Variants in ASIC2 observed in about 807,000 individuals in gnomAD.
ASIC2 encodes acid sensing ion channel subunit 2, also known as acid-sensing ion channel 2.
Under a neutral mutation model 57.3 loss-of-function variants are expected in ASIC2, and 25 were observed. The observed-to-expected ratio is 0.44, with a 90% CI of 0.32 to 0.61. The LOEUF is 0.61. Among genes scored for constraint, ASIC2 ranks in the 20% least tolerant of loss-of-function variants. ASIC2 has a pLI of 0.06. For synonymous variants in ASIC2, 319 were observed against 307.5 expected (o/e 1.04, Z -0.39); for missense variants, 641 against 738.1 (o/e 0.87, Z 1.52).
At chr17:33,059,692 G>T (rs1296222317) in intron 3 of ASIC2, among the ~76,000 whole-genome samples, 2 of 152,174 alleles carry the variant, frequency 1.3e-5, no homozygotes, top group Non-Finnish European at 2.9e-5. Context: ...GGATGGCTGG[G>T]TCAAATGGTA....
At chr17:33,453,718 A>T (rs1912350153) in intron 1 of ASIC2, among the ~76,000 whole-genome samples, 1 of 152,210 alleles carries the variant, frequency 6.6e-6, no homozygotes, top group South Asian at 2.1e-4. Context: ...GACCAGCGCC[A>T]CAATCAAAAT....
chr17:33,840,939 G>T (rs1913418945), intron 1 of ASIC2, among the ~76,000 whole-genome samples: 1 of 152,068 alleles, frequency 6.6e-6, no homozygotes, highest in African/African-American at 2.4e-5. Context: ...TGGCTATTCT[G>T]ATGGACAGGT....
chr17:33,876,942 C>G (rs1454702515), intron 1 of ASIC2, among the ~76,000 whole-genome samples: 1 of 152,212 alleles, frequency 6.6e-6, no homozygotes, highest in Non-Finnish European at 1.5e-5. Flanking sequence ...AGCCTGGGAG[C>G]AGAGCTCTCT....
intron 1 of ASIC2, among the ~76,000 whole-genome samples, chr17:33,707,180 A>G (rs1908888961): frequency 6.6e-6 from 1 of 151,976 alleles, no homozygotes; most frequent in Non-Finnish European, 1.5e-5. Context: ...AGTTTTTGGG[A>G]TTTTAATTTT....
chr17:33,590,589 TACCACACCCCAGTCTCTAC>T (rs1904795021), intron 1 of ASIC2, among the ~76,000 whole-genome samples: 1 of 147,982 alleles, frequency 6.8e-6, no homozygotes, highest in Non-Finnish European at 1.5e-5. Flanking sequence ...CCAATCTCTA[TACCACACCCCAGTCTCTAC>T]ACCACACCCC....
At chr17:33,691,642 A>AT (rs1025232279) in intron 1 of ASIC2, among the ~76,000 whole-genome samples, 8 of 151,074 alleles carry the variant, frequency 5.3e-5, no homozygotes, top group Non-Finnish European at 1.0e-4. Flanking sequence ...TAAATTGAAG[A>AT]TTTTTTTTTC....
At chr17:33,585,162 C>T (rs992524383) in intron 1 of ASIC2, among the ~76,000 whole-genome samples, 46 of 152,176 alleles carry the variant, frequency 3.0e-4, no homozygotes, top group African/African-American at 1.1e-3. Flanking sequence ...TCAAAGTGGC[C>T]TGAGCCTGAG....
chr17:34,016,265 A>G (rs1371308834), intron 1 of ASIC2, among the ~76,000 whole-genome samples: 1 of 151,942 alleles, frequency 6.6e-6, no homozygotes, highest in Non-Finnish European at 1.5e-5. Context: ...TTTACTAAAA[A>G]CACAAAAAAT....
At chr17:33,662,395 C>T (rs1207892160) in intron 1 of ASIC2, among the ~76,000 whole-genome samples, 2 of 151,916 alleles carry the variant, frequency 1.3e-5, no homozygotes, top group African/African-American at 4.8e-5. Context: ...CCGAGGTGGA[C>T]AGATCACTTG....
intron 1 of ASIC2, among the ~76,000 whole-genome samples, chr17:33,392,404 C>T (rs1909934995): frequency 6.6e-6 from 1 of 152,000 alleles, no homozygotes; most frequent in African/African-American, 2.4e-5. Context: ...ACAAGGACTA[C>T]AGGTGCCCAC....
intron 1 of ASIC2, among the ~76,000 whole-genome samples, chr17:33,888,604 G>A (rs141423360): frequency 4.6e-5 from 7 of 152,258 alleles, no homozygotes; most frequent in East Asian, 3.9e-4. Flanking sequence ...GGCAGGGACC[G>A]GGGTGTGGTG....
At chr17:34,137,987 A>G (rs1260578541) in intron 1 of ASIC2, among the ~76,000 whole-genome samples, 1 of 152,188 alleles carries the variant, frequency 6.6e-6, no homozygotes, top group East Asian at 1.9e-4. Flanking sequence ...CTTTGCACCC[A>G]CAAGTCCCAC....
chr17:34,029,375 CAAAAAAAA>C (rs60189628), intron 1 of ASIC2, among the ~76,000 whole-genome samples: 3 of 110,464 alleles, frequency 2.7e-5, no homozygotes, highest in Non-Finnish European at 4.1e-5. Context: ...GTGCTAAAAC[CAAAAAAAA>C]AAAAAAAAAA....
At chr17:33,371,643 T>A (rs1258869913) in intron 1 of ASIC2, among the ~76,000 whole-genome samples, 1 of 152,316 alleles carries the variant, frequency 6.6e-6, no homozygotes, top group East Asian at 1.9e-4. Flanking sequence ...GCAGAGGAAT[T>A]CAAACGATGT....
intron 1 of ASIC2, chr17:34,155,742 C>T (rs1419068118): frequency 1.7e-5 from 9 of 517,872 alleles, no homozygotes; most frequent in Admixed American, 3.7e-5. Flanking sequence ...GATCCCCCAC[C>T]GCAAGCCCCC....
chr17:33,288,552 G>C (rs560204506), intron 1 of ASIC2, among the ~76,000 whole-genome samples: 1 of 152,152 alleles, frequency 6.6e-6, no homozygotes, highest in Non-Finnish European at 1.5e-5. Flanking sequence ...GAAACCATGT[G>C]CTTTGAGCAG....
At chr17:33,711,447 C>T (rs909654279) in intron 1 of ASIC2, among the ~76,000 whole-genome samples, 9 of 152,258 alleles carry the variant, frequency 5.9e-5, no homozygotes, top group African/African-American at 2.2e-4. Context: ...CAAAGGGTGG[C>T]GGGGCTGGGA....
At chr17:33,415,384 A>G (rs1382456392) in intron 1 of ASIC2, among the ~76,000 whole-genome samples, 1 of 152,158 alleles carries the variant, frequency 6.6e-6, no homozygotes, top group East Asian at 1.9e-4. Flanking sequence ...CTATGTAAAT[A>G]GTTGTTATAT....
intron 1 of ASIC2, among the ~76,000 whole-genome samples, chr17:33,182,143 A>G (rs1195430174): frequency 1.3e-5 from 2 of 152,200 alleles, no homozygotes; most frequent in Non-Finnish European, 2.9e-5. Context: ...GCAATAATCT[A>G]GGGATGATAC....
Sources: allele counts gnomAD v4.1 joint callset (sites outside exome capture counted in the v4.1 genomes callset), GRCh38; gene constraint gnomAD v4.1.1; transcripts MANE v1.5; gene names NCBI Gene and HGNC (gene_info 2026-07-23, HGNC 2026-07-21).